The following RICTOR variants were observed in gnomAD, a reference collection of about 807,000 sequenced individuals.
RICTOR encodes rapamycin-insensitive companion of mTOR.
Under a neutral mutation model 214.9 loss-of-function variants are expected in RICTOR, and 49 were observed. The observed-to-expected ratio is 0.23, with a 90% confidence interval of 0.18 to 0.29. The LOEUF is 0.29. RICTOR is among the 10% of genes least tolerant of loss of function. The pLI is 1.00. For missense variants in RICTOR, 1,625 were observed against 2,047.0 expected (o/e 0.79, Z 3.98); for synonymous variants, 717 against 711.3 (o/e 1.01, Z -0.13).
Position 38,990,704 on chromosome 5 carries a change from G to GATATATATCATAT in RICTOR, c.583+244_583+245insATATGATATATAT, listed in dbSNP as rs370197935. 3.1e-4 allele frequency among the ~76,000 whole-genome samples: 14 copies of GATATATATCATAT among 45,264 alleles called. 2 individuals carry two copies. The highest frequency in any genetic ancestry group is 8.4e-4 in the African/African-American group (11 of 13,162). The allele number at this position is 45,264 out of a possible 152,430, so 29.7% of individuals were successfully genotyped here. On this transcript the variant is annotated intron_variant, in intron 7 of 37. Transcript: ENST00000357387. Reference sequence around the variant, plus strand: ...TATATCATATATATGATATATATCAGATATGATATATATGATATATATCAT... The same window carrying GATATATATCATAT: ...TATATCATATATATGATATATATCAGATATATATCATATATATGATATATATGATATATATCAT...
Position 39,033,956 on chromosome 5 carries a change from A to T in RICTOR, c.98-12820T>A, listed in dbSNP as rs148263360. Among the ~76,000 whole-genome samples the T allele has an allele frequency of 3.2e-3, 481 of 152,270 alleles. 4 individuals are homozygous for T. The highest frequency in any genetic ancestry group is 0.011 in the African/African-American group (459 of 41,544). ...CAATTCTGAATTATAAACTTACTTC[A>T]TTTTATACTTTCCTCTTTCTGTGTA... On this transcript the variant is annotated intron_variant, in intron 2 of 37. Coordinates refer to ENST00000357387, the MANE Select transcript of RICTOR (RefSeq NM_152756.5).
At chr5:39,029,457 A>G (rs774388974) in intron 2 of RICTOR, among the ~76,000 whole-genome samples, 2 of 152,172 alleles carry the variant, frequency 1.3e-5, no homozygotes, top group Non-Finnish European at 2.9e-5. Context: ...ATTGGCTTCA[A>G]TATATGCTGC....
At position 38,953,522 on chromosome 5, in the gene RICTOR, C is replaced by T. The variant is rs199645898; in HGVS notation, c.2729G>A (p.Arg910His). The change falls in exon 28 of 38, where the codon CGT becomes CAT. Residue 910 changes from arginine to histidine, a missense_variant. This residue lies in a region of RICTOR where 1,214 missense variants were observed against 1,470.5 expected (regional missense o/e 0.83). Coordinates refer to ENST00000357387, the MANE Select transcript of RICTOR (RefSeq NM_152756.5). ...TTCCCACTTATCCAAATCTGGTGTACGAACATTACGACAGAGTTCTGTAAT... is the reference window on the plus strand; with the variant it reads ...TTCCCACTTATCCAAATCTGGTGTATGAACATTACGACAGAGTTCTGTAAT... ...NIITELCRNV[R>H]TPDLDKWEEI... The T allele has an allele frequency of 1.3e-4, 183 of 1,462,344 alleles. No individual in the cohort carries two copies. In the East Asian group the frequency reaches 3.1e-3, roughly 25 times the overall value. 90.6% of individuals were successfully genotyped at this position (1,462,344 alleles called of 1,614,324 possible).
intron 5 of RICTOR, among the ~76,000 whole-genome samples, chr5:39,000,363 G>A (rs1450851007): frequency 6.6e-6 from 1 of 151,914 alleles, no homozygotes; most frequent in African/African-American, 2.4e-5. Context: ...GACTTTAGAT[G>A]AATGGAAAAA....
In RICTOR at chr5:38,945,502, C is replaced by A; in HGVS notation, c.4622G>T (p.Cys1541Phe). ...ACGTGATCACTTACCTGAATGACTA[C>A]ATATTGCACTCAGTTGGTTGCTGGG... is the stretch of plus-strand genomic sequence containing the variant. ...FQPSNQLSAI[C>F]SHSDFQDIPY... is the part of the protein sequence containing the mutation. The change falls in exon 34 of 38, where the codon TGT becomes TTT. Residue 1541 changes from cysteine (C) to phenylalanine (F), a missense_variant. Physicochemically the swap from Cys to Phe is radical, Grantham distance 205. Around this residue, in one of 5 missense-constraint regions of RICTOR, gnomAD observed 1,214 missense variants for 1,470.5 expected, o/e 0.83. Coordinates refer to ENST00000357387, the MANE Select transcript of RICTOR (RefSeq NM_152756.5). The A allele has an allele frequency of 6.2e-7, 1 of 1,608,864 alleles. No individual in the cohort carries two copies. The highest frequency in any genetic ancestry group is 8.5e-7 in the Non-Finnish European group (1 of 1,175,380).
rs939425625 is a variant in RICTOR at position 38,938,127 on chromosome 5, TATAA to T, written c.*4173_*4176del. On this transcript the variant is annotated 3_prime_UTR_variant, in exon 38 of 38. Transcript: ENST00000357387. ...CAATGAAATATTCTTACAGAAAAAA[TATAA>T]ATACTTTTTCTTTCTATGTTACAGT... The T allele has an allele frequency of 5.7e-5, 12 of 211,916 alleles. No individual in the cohort carries two copies. Among genetic ancestry groups the T allele is most frequent in the African/African-American group, 2.0e-4 (9 of 44,144 alleles). The allele number at this position is 211,916 out of a possible 1,614,324, so 13.1% of individuals were successfully genotyped here. A position where few individuals can be genotyped will look rare whatever the true frequency, so the allele number is the denominator to read the frequency against.
At chr5:38,989,941 G>T (rs1464602668) in intron 7 of RICTOR, among the ~76,000 whole-genome samples, 2 of 152,094 alleles carry the variant, frequency 1.3e-5, no homozygotes, top group African/African-American at 2.4e-5. Context: ...AGAAGAGTGT[G>T]GCAATTCCTC....
intron 3 of RICTOR, among the ~76,000 whole-genome samples, chr5:39,007,212 A>G (rs1754154105): frequency 1.3e-5 from 2 of 152,216 alleles, no homozygotes; most frequent in African/African-American, 4.8e-5. Flanking sequence ...CTTAAACAAC[A>G]GAAATGTACT....
intron 7 of RICTOR, among the ~76,000 whole-genome samples, chr5:38,984,119 A>G (rs1469188070): frequency 6.6e-6 from 1 of 152,138 alleles, no homozygotes; most frequent in Non-Finnish European, 1.5e-5. Flanking sequence ...ATGTTTTCAA[A>G]TACTTCTATA....
chr5:39,003,102 C>G (rs1343185147), intron 4 of RICTOR, among the ~76,000 whole-genome samples: 1 of 152,100 alleles, frequency 6.6e-6, no homozygotes, highest in African/African-American at 2.4e-5. Context: ...ATGCCAATAG[C>G]AGGCACAGAC....
chr5:38,962,773 G>T, intron 17 of RICTOR, 103 bp downstream of exon 17: 1 of 979,666 alleles, frequency 1.0e-6, no homozygotes, highest in Non-Finnish European at 1.6e-6. Context: ...AAATTCATAT[G>T]CATGAAGAGA....
chr5:38,973,030 T>G (rs1226137365), intron 10 of RICTOR, among the ~76,000 whole-genome samples: 1 of 152,012 alleles, frequency 6.6e-6, no homozygotes, highest in African/African-American at 2.4e-5. Context: ...ATCAGTATGA[T>G]TCCACTAATA....
chr5:39,052,959 GATAA>G (rs1561067099), intron 2 of RICTOR, among the ~76,000 whole-genome samples: 1 of 152,144 alleles, frequency 6.6e-6, no homozygotes, highest in Non-Finnish European at 1.5e-5. Context: ...CAGACCAAGG[GATAA>G]ATATCAAATA....
chr5:38,982,755 T>C (rs1310718038), intron 7 of RICTOR, among the ~76,000 whole-genome samples: 1 of 150,058 alleles, frequency 6.7e-6, no homozygotes, highest in African/African-American at 2.5e-5. Context: ...GTTAACAGTT[T>C]AAAATTATAC....
intron 9 of RICTOR, 102 bp from the exon 10 acceptor site, chr5:38,975,706 A>G (rs941966938): frequency 2.6e-5 from 21 of 803,964 alleles, no homozygotes; most frequent in Non-Finnish European, 4.0e-5. Flanking sequence ...ACTAATGTTT[A>G]AACATTTACA....
intron 2 of RICTOR, among the ~76,000 whole-genome samples, chr5:39,025,572 A>G (rs1755750607): frequency 6.6e-6 from 1 of 152,222 alleles, no homozygotes; most frequent in African/African-American, 2.4e-5. Context: ...AAGCAACAGA[A>G]GTTTATATCT....
At chr5:39,012,652 A>C in intron 3 of RICTOR, among the ~76,000 whole-genome samples, 1 of 152,164 alleles carries the variant, frequency 6.6e-6, no homozygotes, top group East Asian at 1.9e-4. Flanking sequence ...TTAAAATGTA[A>C]TTCTGACTAC....
At position 39,024,229 on chromosome 5, in the gene RICTOR, C is replaced by T. The variant is rs568271733; in HGVS notation, c.98-3093G>A. Among the ~76,000 whole-genome samples, 45 of 152,240 alleles carry T rather than the reference C, an allele frequency of 3.0e-4. 1 individual carries two copies. The South Asian group carries it at 8.9e-3, about 30-fold the overall frequency. On this transcript the variant is annotated intron_variant, in intron 2 of 37. Transcript: ENST00000357387. ...GCTGCTCACTGCCTGCTGTGCAGCC[C>T]GGTTCCTAGCAAACCACAGACCTGT...
chr5:39,009,717 G>A (rs1181872817), intron 3 of RICTOR, among the ~76,000 whole-genome samples: 3 of 152,046 alleles, frequency 2.0e-5, no homozygotes, highest in East Asian at 3.9e-4. Flanking sequence ...GAATTATCCC[G>A]AGCAGTGATT....
Sources: gnomAD v4.1 joint callset for allele counts (sites outside exome capture counted in the v4.1 genomes callset) on GRCh38, gnomAD v4.1.1 for gene constraint, gnomAD v4.1.1 regional missense constraint, MANE v1.5 for transcripts, NCBI Gene and HGNC (gene_info 2026-07-23, HGNC 2026-07-21) for gene names.